UGT1A5: variants seen among roughly 807,000 people sequenced by gnomAD.
The protein encoded by UGT1A5 is UDP-glucuronosyltransferase 1A5.
Under a neutral mutation model 40.3 loss-of-function variants are expected in UGT1A5, and 29 were observed. The ratio of observed to expected loss-of-function variants is 0.72; its 90% CI spans 0.54 to 0.98. The LOEUF (loss-of-function observed/expected upper bound fraction) is 0.98, where lower values mean the gene tolerates loss of function less well. UGT1A5 is among the 50% of genes least tolerant of loss of function. UGT1A5 has a pLI of 0.00. For synonymous variants in UGT1A5, 257 were observed against 262.5 expected (o/e 0.98, Z 0.20); for missense variants, 678 against 677.9 (o/e 1.00, Z 0.00).
In UGT1A5 at chr2:233,768,019, T is replaced by C. The variant is rs1002687520; in HGVS notation, c.1087+83T>C. The C allele has an allele frequency of 6.2e-6, 10 of 1,613,626 alleles. No individual in the cohort carries two copies. In the African/African-American group the frequency reaches 1.2e-4, roughly 19 times the overall value. On this transcript the variant is annotated intron_variant, in intron 3 of 4. Coordinates refer to ENST00000373414, the MANE Select transcript of UGT1A5 (RefSeq NM_019078.2). ...TAAGCACAGCTATTCTAAAGGATTG[T>C]TGAGCTTGAAAATATTATGGCCAAC...
In UGT1A5 at chr2:233,769,368, G is replaced by T. The variant is rs1276563226; in HGVS notation, c.1307+929G>T. ...TGGGAAGAAGTGGTGGCCAGTGGTA[G>T]ATTTCATCCGACAATAGATACTGTG... On this transcript the variant is annotated intron_variant, in intron 4 of 4. Coordinates refer to ENST00000373414, the MANE Select transcript of UGT1A5 (RefSeq NM_019078.2). This position sits in a 1 kb window ranked among gnomAD's most constrained non-coding sequence, Gnocchi z 4.4. Among the ~76,000 whole-genome samples the T allele has an allele frequency of 6.6e-6, 1 of 152,222 alleles. No homozygotes were observed. The highest frequency in any genetic ancestry group is 1.5e-5 in the Non-Finnish European group (1 of 68,036).
chr2:233,772,103 A>G (rs1436143050), intron 4 of UGT1A5, among the ~76,000 whole-genome samples, 159 bp from the exon 5 acceptor site: 1 of 152,162 alleles, frequency 6.6e-6, no homozygotes, highest in East Asian at 1.9e-4. Context: ...ACAGGGCAAG[A>G]CTCTGTATCT....
intron 1 of UGT1A5, among the ~76,000 whole-genome samples, chr2:233,764,916 G>T (rs906085592): frequency 6.6e-6 from 1 of 152,212 alleles, no homozygotes; most frequent in Non-Finnish European, 1.5e-5. Flanking sequence ...GAGGACTCAC[G>T]AGGGCCTGGG....
rs1191873899 is a variant in UGT1A5 at position 233,760,673 on chromosome 2, A to G, written c.868-6361A>G. The G allele has an allele frequency of 2.5e-6, 4 of 1,614,214 alleles. No homozygotes were observed. Among genetic ancestry groups the G allele is most frequent in the Non-Finnish European group, 3.4e-6 (4 of 1,180,038 alleles). Reference sequence around the variant, plus strand: ...GCTATGCTTTTGTCTGGCTGTTCCCACTTACTGCACAACAAGGAGCTCATG... The same window carrying G: ...GCTATGCTTTTGTCTGGCTGTTCCCGCTTACTGCACAACAAGGAGCTCATG... On this transcript the variant is annotated intron_variant, in intron 1 of 4. Coordinates refer to ENST00000373414, the MANE Select transcript of UGT1A5 (RefSeq NM_019078.2).
At chr2:233,748,103 A>G in intron 1 of UGT1A5, 1 of 1,612,606 alleles carries the variant, frequency 6.2e-7, no homozygotes, top group Non-Finnish European at 8.5e-7. Context: ...CCTTCATCCA[A>G]TCAATGTTCC....
At chr2:233,756,792 A>G (rs1306951497) in intron 1 of UGT1A5, among the ~76,000 whole-genome samples, 1 of 152,054 alleles carries the variant, frequency 6.6e-6, no homozygotes, top group Non-Finnish European at 1.5e-5. Context: ...TTGTGGGGCA[A>G]TACACTAGTA....
rs1171527500 is a variant in UGT1A5, at chr2:233,760,898, T to C, written c.868-6136T>C. 2 of 1,613,998 alleles carry C rather than the reference T, an allele frequency of 1.2e-6. No homozygotes were observed. Among genetic ancestry groups the C allele is most frequent in the Non-Finnish European group, 1.7e-6 (2 of 1,180,014 alleles). On this transcript the variant is annotated intron_variant, in intron 1 of 4. Transcript: ENST00000373414. ...CCTCTCTCCTCTCATTCAGATCACA[T>C]GACCTTCCTGCAGCGGGTGAAGAAC...
intron 1 of UGT1A5, among the ~76,000 whole-genome samples, chr2:233,734,585 A>G (rs1334930397): frequency 1.3e-5 from 2 of 151,422 alleles, no homozygotes; most frequent in African/African-American, 4.9e-5. Context: ...TTGCTTATCT[A>G]GTTCTTTTAT....
chr2:233,727,754 C>T (rs1338679517), intron 1 of UGT1A5, among the ~76,000 whole-genome samples: 2 of 152,210 alleles, frequency 1.3e-5, no homozygotes, highest in African/African-American at 4.8e-5. Context: ...GTGTGCTGCC[C>T]TTGAGCTGGG....
chr2:233,747,072 T>C (rs1174138764), intron 1 of UGT1A5: 1 of 1,024,362 alleles, frequency 9.8e-7, no homozygotes, highest in African/African-American at 1.6e-5. Context: ...TCGGTAATAA[T>C]TAACTAGGAG....
Position 233,752,763 on chromosome 2 carries a change from A to C in UGT1A5, c.868-14271A>C, listed in dbSNP as rs182475075. Among the ~76,000 whole-genome samples, 215 of 152,376 alleles carry C rather than the reference A, an allele frequency of 1.4e-3. 1 individual carries two copies. Among genetic ancestry groups the C allele is most frequent in the African/African-American group, 4.9e-3 (204 of 41,592 alleles). On this transcript the variant is annotated intron_variant, in intron 1 of 4. Coordinates refer to ENST00000373414, the MANE Select transcript of UGT1A5 (RefSeq NM_019078.2). Reference sequence around the variant, plus strand: ...CTGTCTCTAAAACAAACAAACAAACAAACAAACAATAACCAAACAAGCTTT... The same window carrying C: ...CTGTCTCTAAAACAAACAAACAAACCAACAAACAATAACCAAACAAGCTTT...
intron 1 of UGT1A5, chr2:233,755,261 G>C (rs1442150755): frequency 1.2e-6 from 1 of 807,566 alleles, no homozygotes; most frequent in African/African-American, 1.7e-5. Flanking sequence ...CCTCGTAGTA[G>C]TCCACTATGC....
intron 2 of UGT1A5, 57 bp from the exon 3 acceptor site, chr2:233,767,792 T>G (rs1011366406): frequency 1.2e-6 from 2 of 1,613,950 alleles, no homozygotes; most frequent in African/African-American, 1.3e-5. Context: ...ATAGCAGATT[T>G]GTTTTCTAAT....
intron 1 of UGT1A5, among the ~76,000 whole-genome samples, chr2:233,724,843 CA>C (rs1314943677): frequency 7.6e-6 from 1 of 132,312 alleles, no homozygotes; most frequent in Non-Finnish European, 1.6e-5. Context: ...GAGGCCAAGG[CA>C]GGCGGCTGGG....
chr2:233,764,014 A>C (rs28900399), intron 1 of UGT1A5, among the ~76,000 whole-genome samples: 1 of 152,334 alleles, frequency 6.6e-6, no homozygotes, highest in Non-Finnish European at 1.5e-5. Flanking sequence ...GATGACCCAC[A>C]TGGTGTCTAA....
chr2:233,745,165 T>C (rs992163806), intron 1 of UGT1A5, among the ~76,000 whole-genome samples: 1 of 151,884 alleles, frequency 6.6e-6, no homozygotes, highest in African/African-American at 2.4e-5. Flanking sequence ...CAAATGTGCA[T>C]GTTATTCACT....
chr2:233,760,713 A>G (rs1697537023), intron 1 of UGT1A5: 3 of 1,614,082 alleles, frequency 1.9e-6, no homozygotes, highest in African/African-American at 2.7e-5. Context: ...CCCTGGCAGA[A>G]AGCAGCTTTG....
At position 233,719,392 on chromosome 2, in the gene UGT1A5, C is replaced by T. The variant is rs776862495; in HGVS notation, c.867+5534C>T. The T allele has an allele frequency of 4.8e-5, 78 of 1,613,868 alleles. 1 individual carries two copies. Among genetic ancestry groups the T allele is most frequent in the Non-Finnish European group, 6.4e-5 (75 of 1,179,882 alleles). On this transcript the variant is annotated intron_variant, in intron 1 of 4. Coordinates refer to ENST00000373414, the MANE Select transcript of UGT1A5 (RefSeq NM_019078.2). Reference sequence around the variant, plus strand: ...AAGGGCACACAGTGTCCAAATCCTTCCTCCTATATTCCTAAGTTACTAACG... The same window carrying T: ...AAGGGCACACAGTGTCCAAATCCTTTCTCCTATATTCCTAAGTTACTAACG...
rs1240637968 is a variant in UGT1A5 at position 233,729,257 on chromosome 2, T to A, written c.867+15399T>A. 6.2e-7 allele frequency: 1 copy of A among 1,613,994 alleles called. No homozygotes were observed. Among genetic ancestry groups the A allele is most frequent in the Non-Finnish European group, 8.5e-7 (1 of 1,179,936 alleles). On this transcript the variant is annotated intron_variant, in intron 1 of 4. Transcript: ENST00000373414. ...ATTGATGGCAGCCACTGGCTCAGCA[T>A]GCGGGAGGTCTTGCGGGAGCTCCAT...
Sources: gnomAD v4.1 joint callset for allele counts (sites outside exome capture counted in the v4.1 genomes callset) on GRCh38, gnomAD v4.1.1 for gene constraint, Gnocchi (gnomAD v3.1) non-coding constraint, MANE v1.5 for transcripts, NCBI Gene and HGNC (gene_info 2026-07-23, HGNC 2026-07-21) for gene names.